Variants in MEIS2 observed in about 807,000 individuals in gnomAD.
The protein encoded by MEIS2 is Meis homeobox 2, also known as homeobox protein Meis2.
In MEIS2, 9 loss-of-function variants were observed where a neutral mutation model predicts 58.6. The ratio of observed to expected loss-of-function variants is 0.15; its 90% CI spans 0.09 to 0.27. The LOEUF (loss-of-function observed/expected upper bound fraction) is 0.27, where lower values mean the gene tolerates loss of function less well. MEIS2 is among the 10% of genes least tolerant of loss of function. The probability of loss-of-function intolerance (pLI) is 1.00; values close to 1 mark genes in which losing one functional copy is unlikely to be tolerated. For synonymous variants in MEIS2, 221 were observed against 228.4 expected, an observed-to-expected ratio of 0.97 and a Z score of 0.29; for missense variants, 427 against 635.0, an observed-to-expected ratio of 0.67 and a Z score of 3.52.
intron 6 of MEIS2, among the ~76,000 whole-genome samples, chr15:37,086,817 T>C (rs551168303): frequency 2.0e-4 from 31 of 152,318 alleles, no homozygotes; most frequent in African/African-American, 7.2e-4. Context: ...CATATACAAA[T>C]ACAAATGTTG....
At chr15:36,908,347 C>T (rs1006412540) in intron 9 of MEIS2, among the ~76,000 whole-genome samples, 14 of 152,154 alleles carry the variant, frequency 9.2e-5, no homozygotes, top group African/African-American at 3.4e-4. Flanking sequence ...AGCAAACCAG[C>T]AGTTATGCCA....
chr15:37,037,690 T>C (rs7167446), intron 7 of MEIS2, among the ~76,000 whole-genome samples: 45,219 of 152,194 alleles, frequency 0.3, 7,451 homozygotes, highest in African/African-American at 0.42. Context: ...TCTTGCCCTC[T>C]GGCAAAAATG....
chr15:37,054,694 T>C (rs2063064056), intron 7 of MEIS2, among the ~76,000 whole-genome samples: 1 of 152,160 alleles, frequency 6.6e-6, no homozygotes, highest in Non-Finnish European at 1.5e-5. Context: ...GCTAAGATTA[T>C]AGGCTGAGCC....
chr15:36,893,796 C>T (rs969204628), intron 11 of MEIS2, among the ~76,000 whole-genome samples: 3 of 152,100 alleles, frequency 2.0e-5, no homozygotes, highest in South Asian at 4.1e-4. Context: ...AATGGTGTGC[C>T]GTGGTGACCC....
intron 8 of MEIS2, among the ~76,000 whole-genome samples, chr15:37,006,679 A>G (rs2060934792): frequency 2.0e-5 from 3 of 152,238 alleles, no homozygotes; most frequent in East Asian, 1.9e-4. Context: ...GTAGCTCACT[A>G]GAGATGCAGA....
intron 8 of MEIS2, among the ~76,000 whole-genome samples, chr15:36,956,203 A>AT (rs1406177769): frequency 6.7e-6 from 1 of 149,584 alleles, no homozygotes; most frequent in African/African-American, 2.5e-5. Context: ...AAAAAAAAAA[A>AT]AAAAAAAGAG....
intron 9 of MEIS2, among the ~76,000 whole-genome samples, chr15:36,929,741 T>C (rs1346605102): frequency 6.6e-6 from 1 of 152,204 alleles, no homozygotes; most frequent in African/African-American, 2.4e-5. Context: ...GTGGGCAGAC[T>C]GAATATGTGG....
chr15:36,941,899 C>A (rs1290763058), intron 9 of MEIS2, among the ~76,000 whole-genome samples: 1 of 152,102 alleles, frequency 6.6e-6, no homozygotes, highest in Non-Finnish European at 1.5e-5. Flanking sequence ...TTCACTATTC[C>A]ATCCACTCCT....
At chr15:37,028,568 A>G (rs956374519) in intron 8 of MEIS2, among the ~76,000 whole-genome samples, 3 of 152,228 alleles carry the variant, frequency 2.0e-5, no homozygotes, top group Non-Finnish European at 2.9e-5. Flanking sequence ...GAGAAATTGT[A>G]AAAACGACAA....
chr15:37,003,625 T>C (rs1296529761), intron 8 of MEIS2, among the ~76,000 whole-genome samples: 1 of 152,190 alleles, frequency 6.6e-6, no homozygotes, highest in Non-Finnish European at 1.5e-5. Context: ...GAAATCTTCT[T>C]CTTTCTCCAA....
chr15:37,048,735 T>C (rs1194973638), intron 7 of MEIS2, among the ~76,000 whole-genome samples: 1 of 152,102 alleles, frequency 6.6e-6, no homozygotes, highest in Non-Finnish European at 1.5e-5. Context: ...TCTATAATAA[T>C]AATGTTAACT....
Position 36,892,287 on chromosome 15 carries a change from C to T in MEIS2, c.1320G>A (p.Met440Ile), listed in dbSNP as rs746974524. The T allele has an allele frequency of 2.5e-6, 4 of 1,613,808 alleles. No individual in the cohort carries two copies. The highest frequency in any genetic ancestry group is 1.7e-5 in the Admixed American group (1 of 59,988). ...CAGGGTGGGTAGGGGGTCCTCCGTG[C>T]ATCATCATGGCTGGGTGGTGGGGAT... The part of the protein sequence containing the change: ...PSHPHHPAMM[M>I]HGGPPTHPGM... Residue 440 changes from methionine (M) to isoleucine (I), a missense_variant, in exon 12 of 12, where the codon ATG becomes ATA. By Grantham distance (10) the Met-to-Ile change is conservative. Transcript: ENST00000561208.
At chr15:37,082,322 T>G (rs1462599982) in intron 7 of MEIS2, among the ~76,000 whole-genome samples, 1 of 152,212 alleles carries the variant, frequency 6.6e-6, no homozygotes, top group Non-Finnish European at 1.5e-5. Flanking sequence ...TAAGTCGGCT[T>G]CTCCTTTTCC....
chr15:36,951,425 T>C (rs546572352), intron 8 of MEIS2, among the ~76,000 whole-genome samples: 2 of 152,296 alleles, frequency 1.3e-5, no homozygotes, highest in South Asian at 4.1e-4. Flanking sequence ...CCATCAACAT[T>C]ATTAGAGGGT....
intron 8 of MEIS2, among the ~76,000 whole-genome samples, chr15:36,994,141 A>C (rs1332964195): frequency 6.6e-6 from 1 of 152,172 alleles, no homozygotes; most frequent in Non-Finnish European, 1.5e-5. Context: ...AAAGCATTTA[A>C]AAATACTGTC....
rs533619300 is a variant in MEIS2 at position 36,916,012 on chromosome 15, T to G, written c.978-19326A>C. ...CTTGGAGAAAAAGTGAAACATGTAG[T>G]GAAAACTCTGGTAGCTAATGTATAT... On this transcript the variant is annotated intron_variant, in intron 9 of 11. Coordinates refer to ENST00000561208, the MANE Select transcript of MEIS2 (RefSeq NM_170675.5). Among the ~76,000 whole-genome samples, 28 of 152,310 alleles carry G rather than the reference T, an allele frequency of 1.8e-4. No individual in the cohort carries two copies. In the East Asian group the frequency reaches 4.4e-3, roughly 24 times the overall value.
At position 36,971,553 on chromosome 15, in the gene MEIS2, A is replaced by AAAAAAAAAAAAAAAAAAAAAAAG. The variant is rs1555438306; in HGVS notation, c.901-21154_901-21153insCTTTTTTTTTTTTTTTTTTTTTT. The stretch of plus-strand genomic sequence containing the variant: ...TTGTTACATTAAAAAAAAAAAAAAA[A>AAAAAAAAAAAAAAAAAAAAAAAG]AAAAAAAAAAAGGGCTGTTCCAGTG... On this transcript the variant is annotated intron_variant, in intron 8 of 11. Transcript: ENST00000561208. Among the ~76,000 whole-genome samples, 81 of 132,036 alleles carry AAAAAAAAAAAAAAAAAAAAAAAG rather than the reference A, an allele frequency of 6.1e-4. 1 individual carries two copies. Among genetic ancestry groups the AAAAAAAAAAAAAAAAAAAAAAAG allele is most frequent in the East Asian group, 1.8e-3 (7 of 3,844 alleles). The allele number at this position is 132,036 out of a possible 152,430, so 86.6% of individuals were successfully genotyped here.
rs59061267 is a variant in MEIS2, at chr15:36,952,607, C to CTGTGTGTG, written c.901-2215_901-2208dup. Reference sequence around the variant, plus strand: ...AGAGTCTGTCTGTCTGTCTCTCTCTCTGTGTGTGTGTGTGTGTGTGTGTGT... The same window carrying CTGTGTGTG: ...AGAGTCTGTCTGTCTGTCTCTCTCTCTGTGTGTGTGTGTGTGTGTGTGTGTGTGTGTGT... On this transcript the variant is annotated intron_variant, in intron 8 of 11. Transcript: ENST00000561208. Among the ~76,000 whole-genome samples, 477 of 140,064 alleles carry CTGTGTGTG rather than the reference C, an allele frequency of 3.4e-3. 2 individuals carry two copies. The highest frequency in any genetic ancestry group is 4.2e-3 in the Non-Finnish European group (273 of 64,858). The allele number at this position is 140,064 out of a possible 152,430, so 91.9% of individuals were successfully genotyped here. A position where few individuals can be genotyped will look rare whatever the true frequency, so the allele number is the denominator to read the frequency against.
At chr15:36,940,502 G>A (rs778626075) in intron 9 of MEIS2, among the ~76,000 whole-genome samples, 1 of 152,042 alleles carries the variant, frequency 6.6e-6, no homozygotes, top group Admixed American at 6.5e-5. Flanking sequence ...AAAACACATG[G>A]CAATAATTTA....
Sources: allele counts gnomAD v4.1 joint callset (sites outside exome capture counted in the v4.1 genomes callset), GRCh38; gene constraint gnomAD v4.1.1; transcripts MANE v1.5; gene names NCBI Gene and HGNC (gene_info 2026-07-23, HGNC 2026-07-21).